GNPAT: variants seen among roughly 807,000 people sequenced by gnomAD.
GNPAT encodes the protein dihydroxyacetone phosphate acyltransferase.
A neutral mutation model predicts 78.4 loss-of-function variants in GNPAT; 30 were observed. The ratio of observed to expected loss-of-function variants is 0.38; its 90% CI spans 0.29 to 0.52. The LOEUF is 0.52. GNPAT is among the 20% of genes least tolerant of loss of function. The pLI is 0.84. For synonymous variants in GNPAT, 271 were observed against 281.1 expected, an observed-to-expected ratio of 0.96 and a Z score of 0.36; for missense variants, 714 against 812.2, an observed-to-expected ratio of 0.88 and a Z score of 1.47.
chr1:231,273,967 CA>C lies in GNPAT; in HGVS notation c.1650del (p.Val551Ter). On this transcript the variant is annotated frameshift_variant, in exon 12 of 16. Coordinates refer to ENST00000366647, the MANE Select transcript of GNPAT (RefSeq NM_014236.4). LOFTEE classifies it high-confidence loss of function. Reference protein sequence around the residue: ...CYLLCKSEAIQVTTKDILVTE... With the variant: ...CYLLCKSEAIXVTTKDILVTE... ...CCTGCTTTGTAAAAGTGAAGCCATA[CA>C]AGTGACTACGAAAGACATCCTAGTT... is the stretch of plus-strand genomic sequence containing the variant. The C allele has an allele frequency of 6.2e-7, 1 of 1,611,450 alleles. No homozygotes were observed. Among genetic ancestry groups the C allele is most frequent in the Non-Finnish European group, 8.5e-7 (1 of 1,177,570 alleles).
At chr1:231,250,062 A>C (rs924529831) in intron 1 of GNPAT, among the ~76,000 whole-genome samples, 1 of 150,194 alleles carries the variant, frequency 6.7e-6, no homozygotes, top group Non-Finnish European at 1.5e-5. Context: ...CCTGGGCAAC[A>C]GAGCAAGACT....
At chr1:231,262,972 C>T in intron 4 of GNPAT, 120 bp downstream of exon 4, 2 of 763,484 alleles carry the variant, frequency 2.6e-6, no homozygotes, top group East Asian at 5.2e-5. Flanking sequence ...TTCTTCCAGT[C>T]CTAGCACTGA....
At chr1:231,245,616 A>C (rs1327568252) in intron 1 of GNPAT, among the ~76,000 whole-genome samples, 1 of 152,154 alleles carries the variant, frequency 6.6e-6, no homozygotes, top group Non-Finnish European at 1.5e-5. Context: ...TTGGCTTGCA[A>C]GAGCTGATTG....
Position 231,241,275 on chromosome 1 carries a change from C to T in GNPAT, c.-104C>T, listed in dbSNP as rs1172754167. 5 of 1,419,820 alleles carry T rather than the reference C, an allele frequency of 3.5e-6. No individual in the cohort carries two copies. The East Asian group carries it at 6.8e-5, about 19-fold the overall frequency. The allele number at this position is 1,419,820 out of a possible 1,614,324, so 88.0% of individuals were successfully genotyped here. ...AGCGGCTGCAGAGGGTGCCGCCGCCCTAGGCGAAGTAGGGCCGTCCTGAGC... is the reference window on the plus strand; with the variant it reads ...AGCGGCTGCAGAGGGTGCCGCCGCCTTAGGCGAAGTAGGGCCGTCCTGAGC... On this transcript the variant is annotated 5_prime_UTR_variant, in exon 1 of 16. Coordinates refer to ENST00000366647, the MANE Select transcript of GNPAT (RefSeq NM_014236.4).
rs1343175589 is a variant in GNPAT at position 231,275,332 on chromosome 1, C to G, written c.1843+12C>G. 3.8e-6 allele frequency: 6 copies of G among 1,589,932 alleles called. No homozygotes were observed. Among genetic ancestry groups the G allele is most frequent in the Non-Finnish European group, 5.2e-6 (6 of 1,157,822 alleles). ...GCTTCTCGATCAAGGTCAGTCACTG[C>G]TCTGTGGGTGCTGATTTCTTTTAGT... On this transcript the variant is annotated intron_variant, in intron 13 of 15. Transcript: ENST00000366647.
At chr1:231,243,444 C>A (rs1241635931) in intron 1 of GNPAT, among the ~76,000 whole-genome samples, 2 of 152,054 alleles carry the variant, frequency 1.3e-5, no homozygotes, top group Non-Finnish European at 2.9e-5. Context: ...CTGCCTCAGC[C>A]TCCCGAGTAG....
chr1:231,271,434 T>C (rs1403623949), intron 10 of GNPAT, among the ~76,000 whole-genome samples: 3 of 151,968 alleles, frequency 2.0e-5, no homozygotes, highest in Non-Finnish European at 4.4e-5. Flanking sequence ...TAAAAATGAG[T>C]ACAGTACACG....
chr1:231,258,055 G>T (rs1685114345), intron 2 of GNPAT, among the ~76,000 whole-genome samples: 2 of 152,030 alleles, frequency 1.3e-5, no homozygotes, highest in South Asian at 4.1e-4. Flanking sequence ...TTCCTTTCAT[G>T]GCTGTGTTTC....
At chr1:231,260,725 A>G in intron 3 of GNPAT, 42 bp downstream of exon 3, 1 of 1,305,402 alleles carries the variant, frequency 7.7e-7, no homozygotes, top group Non-Finnish European at 1.1e-6. Context: ...TAAAAGTCTC[A>G]TCTTAAAATT....
At chr1:231,268,464 G>A (rs1168622505) in intron 9 of GNPAT, among the ~76,000 whole-genome samples, 2 of 152,012 alleles carry the variant, frequency 1.3e-5, no homozygotes, top group Admixed American at 6.6e-5. Context: ...TTGGCACCTA[G>A]TACGGTGGAA....
chr1:231,272,331 T>C lies in GNPAT; in HGVS notation c.1542T>C (p.Phe514=). The part of the protein sequence containing the change: ...GFRKEDVYSC[F]RFLRDVFADE... ...TTCCAGAGGATGTCTACAGTTGCTT[T>C]CGCTTCCTACGTGATGTTTTTGCAG... Residue 514 remains phenylalanine, a synonymous_variant, in exon 11 of 16, where the codon TTT becomes TTC. Coordinates refer to ENST00000366647, the MANE Select transcript of GNPAT (RefSeq NM_014236.4). 1 of 1,588,726 alleles carries C rather than the reference T, an allele frequency of 6.3e-7. No homozygotes were observed. Among genetic ancestry groups the C allele is most frequent in the South Asian group, 1.1e-5 (1 of 90,442 alleles).
At chr1:231,270,623 G>A (rs764514233) in intron 9 of GNPAT, 135 bp from the exon 10 acceptor site, 38 of 852,042 alleles carry the variant, frequency 4.5e-5, no homozygotes, top group African/African-American at 1.3e-4. Flanking sequence ...TATCATTACC[G>A]TAATTGGTAG....
At position 231,267,733 on chromosome 1, in the gene GNPAT, C is replaced by T. The variant is rs1685431131; in HGVS notation, c.1109C>T (p.Ala370Val). Residue 370 changes from alanine to valine, a missense_variant, in exon 9 of 16, where the codon GCC becomes GTC. Ala to Val is a moderately conservative substitution (Grantham distance 64). Coordinates refer to ENST00000366647, the MANE Select transcript of GNPAT (RefSeq NM_014236.4). The part of the protein sequence containing the change: ...EDMHAFVTEV[A>V]YKMELLQIEN... Reference sequence around the variant, plus strand: ...ATGCATGCCTTTGTCACTGAAGTTGCCTACAAAATGGAGCTTCTGCAAATT... The same window carrying T: ...ATGCATGCCTTTGTCACTGAAGTTGTCTACAAAATGGAGCTTCTGCAAATT... The T allele has an allele frequency of 6.2e-7, 1 of 1,612,590 alleles. No individual in the cohort carries two copies. The highest frequency in any genetic ancestry group is 1.3e-5 in the African/African-American group (1 of 74,844).
At chr1:231,266,817 C>G (rs1037576274) in intron 8 of GNPAT, among the ~76,000 whole-genome samples, 3 of 152,124 alleles carry the variant, frequency 2.0e-5, no homozygotes, top group African/African-American at 7.2e-5. Context: ...TCCTTAGTCT[C>G]TAGAGAGTTA....
chr1:231,259,504 G>A (rs1281575096), intron 2 of GNPAT, among the ~76,000 whole-genome samples: 2 of 151,960 alleles, frequency 1.3e-5, no homozygotes, highest in Non-Finnish European at 2.9e-5. Flanking sequence ...AAAATTAGCT[G>A]GGCATGGTGG....
chr1:231,269,194 T>A (rs1264374488), intron 9 of GNPAT, among the ~76,000 whole-genome samples: 1 of 151,646 alleles, frequency 6.6e-6, no homozygotes, highest in African/African-American at 2.4e-5. Flanking sequence ...TTCCTGAGAG[T>A]GCTGCAGAGG....
chr1:231,255,941 A>G (rs1685043964), intron 2 of GNPAT, among the ~76,000 whole-genome samples: 1 of 152,104 alleles, frequency 6.6e-6, no homozygotes, highest in East Asian at 1.9e-4. Context: ...ACACCATACC[A>G]TCACCCTAAG....
Position 231,260,564 on chromosome 1 carries a change from T to G in GNPAT, c.319T>G (p.Leu107Val), listed in dbSNP as rs766785565. 1 of 1,611,240 alleles carries G rather than the reference T, an allele frequency of 6.2e-7. No homozygotes were observed. Among genetic ancestry groups the G allele is most frequent in the Admixed American group, 1.7e-5 (1 of 60,014 alleles). The change falls in exon 3 of 16, where the codon TTA (leucine) becomes GTA (valine). Residue 107 changes from leucine to valine, a missense_variant. Coordinates refer to ENST00000366647, the MANE Select transcript of GNPAT (RefSeq NM_014236.4). ...DVLREEVSEI[L>V]DEMSHKLRLG... ...CCTCCGAGAGGAAGTGAGTGAGATC[T>G]TAGATGAAATGAGTCACAAACTGCG...
intron 12 of GNPAT, among the ~76,000 whole-genome samples, chr1:231,274,351 CTG>C (rs1210177031): frequency 6.6e-6 from 1 of 152,224 alleles, no homozygotes; most frequent in Admixed American, 6.5e-5. Context: ...ATCTGTCATA[CTG>C]TGTCTCATGT....
Sources: allele counts gnomAD v4.1 joint callset (sites outside exome capture counted in the v4.1 genomes callset), GRCh38; gene constraint gnomAD v4.1.1; transcripts MANE v1.5; gene names NCBI Gene and HGNC (gene_info 2026-07-23, HGNC 2026-07-21).